The following CRAMP1 variants were observed in gnomAD, a reference collection of about 807,000 sequenced individuals.
CRAMP1 encodes cramped chromatin regulator 1.
A neutral mutation model predicts 115.4 loss-of-function variants in CRAMP1; 50 were observed. The ratio of observed to expected loss-of-function variants is 0.43; its 90% CI spans 0.35 to 0.55. CRAMP1 has a LOEUF of 0.55. Among genes scored for constraint, CRAMP1 ranks in the 20% least tolerant of loss-of-function variants. The pLI is 0.01. For synonymous variants in CRAMP1, 866 were observed against 745.4 expected, an observed-to-expected ratio of 1.16 and a Z score of -2.64; for missense variants, 1,679 against 1,721.7, an observed-to-expected ratio of 0.98 and a Z score of 0.44.
chr16:1,645,823 T>G (rs2036669919), intron 6 of CRAMP1, among the ~76,000 whole-genome samples: 1 of 152,194 alleles, frequency 6.6e-6, no homozygotes, highest in South Asian at 2.1e-4. Context: ...TTTTGTAGAT[T>G]GGCCTCTTCA....
In CRAMP1 at chr16:1,668,087, C is replaced by T. The variant is rs369235627; in HGVS notation, c.3228C>T (p.Leu1076=). The part of the protein sequence containing the change: ...RLSPPDVSAL[L]DISLPGPPED... ...CTCCACCAGACGTCTCTGCTCTGCT[C>T]GACATCTCCCTGCCCGGCCCACCTG... Residue 1076 remains leucine, a synonymous_variant, in exon 18 of 21, where the codon CTC becomes CTT. Transcript: ENST00000397412. 9.3e-6 allele frequency: 15 copies of T among 1,613,680 alleles called. No individual in the cohort carries two copies. The highest frequency in any genetic ancestry group is 2.7e-5 in the African/African-American group (2 of 74,912).
intron 2 of CRAMP1, among the ~76,000 whole-genome samples, chr16:1,618,816 G>A (rs536030950): frequency 5.9e-5 from 9 of 152,190 alleles, no homozygotes; most frequent in Non-Finnish European, 1.3e-4. Flanking sequence ...GCTGCAGTGA[G>A]CTGTGGACAT....
chr16:1,633,840 C>A (rs1164788274), intron 4 of CRAMP1, among the ~76,000 whole-genome samples: 2 of 152,242 alleles, frequency 1.3e-5, no homozygotes, highest in South Asian at 4.1e-4. Context: ...GAGGCAGAGG[C>A]GGGCGGATCA....
chr16:1,628,488 G>A (rs553414671), intron 3 of CRAMP1, among the ~76,000 whole-genome samples: 4 of 152,272 alleles, frequency 2.6e-5, no homozygotes, highest in East Asian at 1.9e-4. Context: ...TCCTGACCTC[G>A]GGTGATCCAC....
At position 1,665,094 on chromosome 16, in the gene CRAMP1, A is replaced by G. The variant is rs376521525; in HGVS notation, c.2708A>G (p.His903Arg). 185 of 1,613,294 alleles carry G rather than the reference A, an allele frequency of 1.1e-4. 2 individuals carry two copies. The Middle Eastern group carries it at 1.5e-3, about 13-fold the overall frequency. The change falls in exon 14 of 21, where the codon CAC (histidine) becomes CGC (arginine). Residue 903 changes from histidine to arginine, a missense_variant. His to Arg is a conservative substitution (Grantham distance 29). Around this residue, in one of 8 missense-constraint regions of CRAMP1, gnomAD observed 709 missense variants for 741.9 expected, o/e 0.96. Transcript: ENST00000397412. ...CCTAGACCATCGGAAAACCAGTCCC[A>G]CAACGTTTGTTCCTTCTCCATCCTG... ...LLPRPSENQS[H>R]NVCSFSILSN...
chr16:1,641,828 G>C (rs1367577776), intron 6 of CRAMP1, among the ~76,000 whole-genome samples: 3 of 151,214 alleles, frequency 2.0e-5, no homozygotes, highest in Admixed American at 2.0e-4. Context: ...CCACGCCACA[G>C]CCTGGGGGGG....
chr16:1,650,648 A>T (rs2036714814), intron 6 of CRAMP1, among the ~76,000 whole-genome samples: 1 of 152,218 alleles, frequency 6.6e-6, no homozygotes, highest in African/African-American at 2.4e-5. Flanking sequence ...ACATATAGAG[A>T]TGAAGATGTA....
intron 6 of CRAMP1, among the ~76,000 whole-genome samples, chr16:1,648,563 C>T (rs899727301): frequency 6.6e-5 from 10 of 151,298 alleles, no homozygotes; most frequent in African/African-American, 2.4e-4. Flanking sequence ...CGAGATTGCA[C>T]CGCTGCACTC....
At position 1,675,224 on chromosome 16, in the gene CRAMP1, C is replaced by T. The variant is rs2036957478; in HGVS notation, c.*1179C>T. On this transcript the variant is annotated 3_prime_UTR_variant, in exon 21 of 21. Transcript: ENST00000397412. The stretch of plus-strand genomic sequence containing the variant: ...TACTGCAGACGGCCCAACATCCAGT[C>T]TTTCCCCAGGACAGAGCTAACAAGG... The T allele has an allele frequency of 6.6e-6, 1 of 152,394 alleles. No individual in the cohort carries two copies. Among genetic ancestry groups the T allele is most frequent in the Non-Finnish European group, 1.5e-5 (1 of 68,152 alleles). 9.4% of individuals were successfully genotyped at this position (152,394 alleles called of 1,614,324 possible).
At chr16:1,623,468 T>C (rs1403358236) in intron 2 of CRAMP1, among the ~76,000 whole-genome samples, 2 of 152,246 alleles carry the variant, frequency 1.3e-5, no homozygotes, top group Non-Finnish European at 2.9e-5. Context: ...TAGCAAGACA[T>C]GTGGATTATG....
chr16:1,647,934 G>A (rs1027215393), intron 6 of CRAMP1, among the ~76,000 whole-genome samples: 4 of 151,952 alleles, frequency 2.6e-5, no homozygotes, highest in Non-Finnish European at 4.4e-5. Flanking sequence ...ATGGACCCAC[G>A]TCCCGGAACT....
chr16:1,636,227 AGGGCGTGGTGGCGCAT>A, intron 4 of CRAMP1, among the ~76,000 whole-genome samples: 2 of 152,154 alleles, frequency 1.3e-5, no homozygotes, highest in Admixed American at 1.3e-4. Context: ...AAACATTAGC[AGGGCGTGGTGGCGCAT>A]GCCTGTAATC....
Position 1,669,252 on chromosome 16 carries a change from A to C in CRAMP1, c.3499+87A>C. The C allele has an allele frequency of 9.6e-7, 1 of 1,037,496 alleles. No individual in the cohort carries two copies. The highest frequency in any genetic ancestry group is 1.4e-6 in the Non-Finnish European group (1 of 736,130). 64.3% of individuals were successfully genotyped at this position (1,037,496 alleles called of 1,614,324 possible). A position where few individuals can be genotyped will look rare whatever the true frequency, so the allele number is the denominator to read the frequency against. On this transcript the variant is annotated intron_variant, in intron 19 of 20. Transcript: ENST00000397412. This position sits in a 1 kb window ranked among gnomAD's most constrained non-coding sequence, Gnocchi z 4.6. ...GACACTGGATTCTCATTCTACTCAA[A>C]CTCCCACTAGGACTGTTGGCTTGTT...
Position 1,653,072 on chromosome 16 carries a change from C to T in CRAMP1, c.953C>T (p.Pro318Leu), listed in dbSNP as rs2036738474. 6.2e-7 allele frequency: 1 copy of T among 1,613,202 alleles called. No individual in the cohort carries two copies. Among genetic ancestry groups the T allele is most frequent in the Admixed American group, 1.7e-5 (1 of 59,932 alleles). The change falls in exon 8 of 21, where the codon CCT becomes CTT. Residue 318 changes from proline (P) to leucine (L), a missense_variant. Physicochemically the swap from Pro to Leu is moderately conservative, Grantham distance 98. This residue lies in a region of CRAMP1 where 191 missense variants were observed against 236.2 expected (regional missense o/e 0.81). Coordinates refer to ENST00000397412, the MANE Select transcript of CRAMP1 (RefSeq NM_020825.4). ...GAGGACCAGAAGCCAGTGCGCCTGCCTCTGAAAGTCCCTATAGAGCTACAG... is the reference window on the plus strand; with the variant it reads ...GAGGACCAGAAGCCAGTGCGCCTGCTTCTGAAAGTCCCTATAGAGCTACAG... ...DEEDQKPVRL[P>L]LKVPIELQPR...
rs769621256 is a variant in CRAMP1 at position 1,667,969 on chromosome 16, C to A, written c.3110C>A (p.Ser1037Tyr). The change falls in exon 18 of 21, where the codon TCT becomes TAT. Residue 1037 changes from serine (S) to tyrosine (Y), a missense_variant. Transcript: ENST00000397412. ...ATACCTGTCTCCCAGCAGGGCTCATCTGTTCTCTCCTTATCTGAGCTGCCC... is the reference window on the plus strand; with the variant it reads ...ATACCTGTCTCCCAGCAGGGCTCATATGTTCTCTCCTTATCTGAGCTGCCC... The part of the protein sequence containing the change: ...EPVADSFQGS[S>Y]VLSLSELPKA... 6.2e-7 allele frequency: 1 copy of A among 1,605,676 alleles called. No homozygotes were observed. The highest frequency in any genetic ancestry group is 1.7e-5 in the Admixed American group (1 of 59,198).
rs369831738 is a variant in CRAMP1 at position 1,665,108 on chromosome 16, T to C, written c.2722T>C (p.Phe908Leu). The C allele has an allele frequency of 1.9e-5, 30 of 1,613,042 alleles. No individual in the cohort carries two copies. The highest frequency in any genetic ancestry group is 2.0e-5 in the Non-Finnish European group (23 of 1,179,130). The change falls in exon 14 of 21, where the codon TTC becomes CTC. Residue 908 changes from phenylalanine to leucine, a missense_variant. Around this residue, in one of 8 missense-constraint regions of CRAMP1, gnomAD observed 709 missense variants for 741.9 expected, o/e 0.96. Coordinates refer to ENST00000397412, the MANE Select transcript of CRAMP1 (RefSeq NM_020825.4). The stretch of plus-strand genomic sequence containing the variant: ...AAACCAGTCCCACAACGTTTGTTCC[T>C]TCTCCATCCTGTCTAACTCTTCCGT... Reference protein sequence around the residue: ...SENQSHNVCSFSILSNSSVTG... With the variant: ...SENQSHNVCSLSILSNSSVTG...
Position 1,669,218 on chromosome 16 carries a change from G to T in CRAMP1, c.3499+53G>T. 7.2e-7 allele frequency: 1 copy of T among 1,386,266 alleles called. No individual in the cohort carries two copies. The highest frequency in any genetic ancestry group is 9.7e-7 in the Non-Finnish European group (1 of 1,028,184). 85.9% of individuals were successfully genotyped at this position (1,386,266 alleles called of 1,614,324 possible). ...CCTTTTCCAGGGCAGCAGGGGCTGG[G>T]GTCTGCGGGACACTGGATTCTCATT... is the stretch of plus-strand genomic sequence containing the variant. On this transcript the variant is annotated intron_variant, in intron 19 of 20. Coordinates refer to ENST00000397412, the MANE Select transcript of CRAMP1 (RefSeq NM_020825.4). The surrounding 1 kb of genome is among the most constrained non-coding windows in gnomAD (Gnocchi z 4.6).
In CRAMP1 at chr16:1,632,374, G is replaced by T; in HGVS notation, c.694+9G>T. 1 of 1,581,856 alleles carries T rather than the reference G, an allele frequency of 6.3e-7. No homozygotes were observed. Among genetic ancestry groups the T allele is most frequent in the Admixed American group, 1.8e-5 (1 of 54,578 alleles). ...CATCGACTTTGATCATGGTGAGTGT[G>T]CCACGGGCCAGGCTCGGGGGTGCCC... On this transcript the variant is annotated intron_variant, in intron 4 of 20. Transcript: ENST00000397412.
intron 4 of CRAMP1, among the ~76,000 whole-genome samples, chr16:1,634,039 A>G (rs1469130956): frequency 1.3e-5 from 2 of 150,590 alleles, no homozygotes; most frequent in African/African-American, 4.9e-5. Flanking sequence ...AAAAAAAAAA[A>G]GAAAGAAAGT....
Sources: gnomAD v4.1 joint callset for allele counts (sites outside exome capture counted in the v4.1 genomes callset) on GRCh38, gnomAD v4.1.1 for gene constraint, gnomAD v4.1.1 regional missense constraint, Gnocchi (gnomAD v3.1) non-coding constraint, MANE v1.5 for transcripts, NCBI Gene and HGNC (gene_info 2026-07-23, HGNC 2026-07-21) for gene names.